DPYD: variants seen among roughly 807,000 people sequenced by gnomAD.
DPYD encodes dihydropyrimidine dehydrogenase.
A neutral mutation model predicts 116.2 loss-of-function variants in DPYD; 109 were observed. The ratio of observed to expected loss-of-function variants is 0.94; its 90% CI spans 0.80 to 1.10. The LOEUF is 1.10. Among genes scored for constraint, DPYD ranks in the 50% least tolerant of loss-of-function variants. DPYD has a pLI of 0.00. For synonymous variants in DPYD, 440 were observed against 432.0 expected (o/e 1.02, Z -0.23); for missense variants, 1,302 against 1,254.5 (o/e 1.04, Z -0.57).
chr1:97,546,319 C>A, intron 12 of DPYD: 1 of 1,431,376 alleles, frequency 7.0e-7, no homozygotes, highest in Non-Finnish European at 9.8e-7. Flanking sequence ...GTCAAAGCAA[C>A]AGAAACAAAA....
intron 11 of DPYD, among the ~76,000 whole-genome samples, chr1:97,572,321 C>A (rs893578451): frequency 3.3e-5 from 5 of 151,840 alleles, no homozygotes; most frequent in East Asian, 1.9e-4. Flanking sequence ...CACATGCCTG[C>A]GCGCACACAC....
intron 16 of DPYD, among the ~76,000 whole-genome samples, chr1:97,364,313 GA>G (rs1161241198): frequency 3.3e-5 from 5 of 152,138 alleles, no homozygotes; most frequent in African/African-American, 4.8e-5. Flanking sequence ...GATGAATCAT[GA>G]ACACATACTA....
chr1:97,656,437 ACT>A (rs1571139919), intron 8 of DPYD, among the ~76,000 whole-genome samples: 1 of 151,896 alleles, frequency 6.6e-6, no homozygotes, highest in Non-Finnish European at 1.5e-5. Context: ...CCTTGTCTTC[ACT>A]CTTATTTCCA....
chr1:97,477,861 C>T, intron 13 of DPYD, among the ~76,000 whole-genome samples: 1 of 152,000 alleles, frequency 6.6e-6, no homozygotes, highest in Non-Finnish European at 1.5e-5. Flanking sequence ...ACCTCGTGAT[C>T]CACCCGCCTC....
chr1:97,598,461 CTT>C (rs1157639633), intron 8 of DPYD, among the ~76,000 whole-genome samples: 1 of 152,148 alleles, frequency 6.6e-6, no homozygotes, highest in Non-Finnish European at 1.5e-5. Context: ...TATGTATAGT[CTT>C]TGTCTTTCAA....
At chr1:97,527,791 T>G (rs1649259411) in intron 12 of DPYD, among the ~76,000 whole-genome samples, 1 of 89,580 alleles carries the variant, frequency 1.1e-5, no homozygotes, top group African/African-American at 4.0e-5. Flanking sequence ...AGAATGAAAT[T>G]TGGAAAAAAA....
chr1:97,391,945 A>G (rs1171993559), intron 14 of DPYD, among the ~76,000 whole-genome samples: 6 of 151,870 alleles, frequency 4.0e-5, no homozygotes, highest in Non-Finnish European at 8.8e-5. Flanking sequence ...AGCACATGGC[A>G]TAATAAAGGA....
At chr1:97,200,639 C>T (rs1659135131) in intron 19 of DPYD, among the ~76,000 whole-genome samples, 1 of 152,138 alleles carries the variant, frequency 6.6e-6, no homozygotes, top group Non-Finnish European at 1.5e-5. Context: ...TTTTATATAG[C>T]ACTTTATAGT....
At chr1:97,250,959 CATAA>C (rs1198140212) in intron 18 of DPYD, among the ~76,000 whole-genome samples, 1 of 152,080 alleles carries the variant, frequency 6.6e-6, no homozygotes, top group Non-Finnish European at 1.5e-5. Flanking sequence ...TATATGAATA[CATAA>C]ATAAGAAGTA....
intron 21 of DPYD, among the ~76,000 whole-genome samples, chr1:97,083,846 T>A (rs2101562501): frequency 6.6e-6 from 1 of 152,236 alleles, no homozygotes; most frequent in South Asian, 2.1e-4. Flanking sequence ...GTCTTGGAAT[T>A]TCATAGTTAT....
At chr1:97,737,397 C>A (rs58823243) in intron 4 of DPYD, among the ~76,000 whole-genome samples, 3 of 152,062 alleles carry the variant, frequency 2.0e-5, no homozygotes, top group Non-Finnish European at 4.4e-5. Flanking sequence ...TTATAAATTA[C>A]GGACTTTCCA....
In DPYD at chr1:97,484,991, T is replaced by A. The variant is rs555215870; in HGVS notation, c.1740+30735A>T. Among the ~76,000 whole-genome samples the A allele has an allele frequency of 2.0e-5, 3 of 152,280 alleles. No homozygotes were observed. The South Asian group carries it at 6.2e-4, about 32-fold the overall frequency. Reference sequence around the variant, plus strand: ...GCCATCTCTTTTCTTTCTGACTACTTTTAAGGGCTTTTCTTTGTCTCCGAT... The same window carrying A: ...GCCATCTCTTTTCTTTCTGACTACTATTAAGGGCTTTTCTTTGTCTCCGAT... On this transcript the variant is annotated intron_variant, in intron 13 of 22. Transcript: ENST00000370192.
intron 2 of DPYD, among the ~76,000 whole-genome samples, chr1:97,836,089 T>C (rs921595611): frequency 6.6e-6 from 1 of 152,142 alleles, no homozygotes; most frequent in Non-Finnish European, 1.5e-5. Context: ...TGATGGAGTT[T>C]TTGCTGAAGC....
chr1:97,416,560 T>G (rs960579464), intron 14 of DPYD, among the ~76,000 whole-genome samples: 1 of 152,214 alleles, frequency 6.6e-6, no homozygotes, highest in Non-Finnish European at 1.5e-5. Context: ...CTAGAATACT[T>G]TGAAGCCACT....
At chr1:97,633,323 G>A (rs10518636) in intron 8 of DPYD, among the ~76,000 whole-genome samples, 17,738 of 152,084 alleles carry the variant, frequency 0.12, 1,289 homozygotes, top group Non-Finnish European at 0.17. Context: ...AATGTAAAGG[G>A]AACTAAAAGC....
intron 3 of DPYD, among the ~76,000 whole-genome samples, chr1:97,769,395 T>C (rs1045863743): frequency 2.0e-5 from 3 of 152,170 alleles, no homozygotes; most frequent in African/African-American, 7.2e-5. Context: ...ATCTCTATCA[T>C]GTATTTGAGT....
intron 2 of DPYD, among the ~76,000 whole-genome samples, chr1:97,854,521 GC>G (rs1413804024): frequency 6.6e-6 from 1 of 152,144 alleles, no homozygotes; most frequent in Non-Finnish European, 1.5e-5. Context: ...AGTATCAAAT[GC>G]CCCCAGTTTA....
intron 5 of DPYD, among the ~76,000 whole-genome samples, chr1:97,707,312 C>CT (rs1430958471): frequency 6.6e-6 from 1 of 151,854 alleles, no homozygotes; most frequent in Non-Finnish European, 1.5e-5. Context: ...TTTTATTATA[C>CT]TTTAAGTTTT....
At chr1:97,081,743 G>T (rs1268509415) in intron 22 of DPYD, among the ~76,000 whole-genome samples, 1 of 137,026 alleles carries the variant, frequency 7.3e-6, no homozygotes, top group Non-Finnish European at 1.5e-5. Context: ...TTCCTGCATG[G>T]TAGATGCTCT....
Sources: allele counts gnomAD v4.1 joint callset (sites outside exome capture counted in the v4.1 genomes callset), GRCh38; gene constraint gnomAD v4.1.1; transcripts MANE v1.5; gene names NCBI Gene and HGNC (gene_info 2026-07-23, HGNC 2026-07-21).